The following THSD4 variants were observed in gnomAD, a reference collection of about 807,000 sequenced individuals.
THSD4 encodes thrombospondin type 1 domain containing 4.
In THSD4, 69 loss-of-function variants were observed where a neutral mutation model predicts 119.0. That is an observed-to-expected ratio of 0.58 (90% CI 0.48 to 0.71). The LOEUF is 0.71. Ranked by LOEUF, THSD4 falls within the 30% of genes least tolerant of loss-of-function variation. THSD4 has a pLI of 0.00. For missense variants in THSD4, 1,393 were observed against 1,391.1 expected, an observed-to-expected ratio of 1.00 and a Z score of -0.02; for synonymous variants, 524 against 540.4, an observed-to-expected ratio of 0.97 and a Z score of 0.42.
At chr15:71,756,187 G>A (rs1348222240) in intron 14 of THSD4, among the ~76,000 whole-genome samples, 2 of 152,172 alleles carry the variant, frequency 1.3e-5, no homozygotes, top group Admixed American at 1.3e-4. Context: ...TGGAAAAGCT[G>A]GTGAGGTTGA....
intron 7 of THSD4, among the ~76,000 whole-genome samples, chr15:71,488,537 TAGA>T (rs1221446059): frequency 1.6e-3 from 40 of 24,526 alleles, no homozygotes; most frequent in Middle Eastern, 0.043. Flanking sequence ...TCATACTTCT[TAGA>T]AGATGAGGCT....
intron 1 of THSD4, among the ~76,000 whole-genome samples, chr15:71,107,960 A>T (rs538420767): frequency 6.6e-6 from 1 of 152,224 alleles, no homozygotes; most frequent in African/African-American, 2.4e-5. Flanking sequence ...TTCCTGAATC[A>T]CTGCTTCGTT....
At chr15:71,708,389 C>T (rs1016006552) in intron 8 of THSD4, among the ~76,000 whole-genome samples, 9 of 152,156 alleles carry the variant, frequency 5.9e-5, no homozygotes, top group South Asian at 2.1e-4. Context: ...CAAGGGCTAT[C>T]GGCCTTGTCT....
chr15:71,249,400 CTTA>C (rs1006922950), intron 5 of THSD4, among the ~76,000 whole-genome samples: 1 of 142,680 alleles, frequency 7.0e-6, no homozygotes, highest in Non-Finnish European at 1.5e-5. Flanking sequence ...AAGTTGTTCT[CTTA>C]TTGACTTCAT....
At chr15:71,523,607 A>G (rs1024888362) in intron 7 of THSD4, among the ~76,000 whole-genome samples, 2 of 152,136 alleles carry the variant, frequency 1.3e-5, no homozygotes, top group African/African-American at 4.8e-5. Context: ...GTGTGATAGC[A>G]AGGGTAGGGT....
chr15:71,632,278 C>T (rs2050646238), intron 7 of THSD4, among the ~76,000 whole-genome samples: 1 of 152,178 alleles, frequency 6.6e-6, no homozygotes, highest in African/African-American at 2.4e-5. Flanking sequence ...TACCACCAGT[C>T]ACCCTTGGGG....
intron 3 of THSD4, among the ~76,000 whole-genome samples, chr15:71,187,853 G>C (rs2043626520): frequency 6.6e-6 from 1 of 152,202 alleles, no homozygotes; most frequent in Admixed American, 6.5e-5. Flanking sequence ...TCAACAGCGA[G>C]TTTGGTTCCC....
At position 71,780,861 on chromosome 15, in the gene THSD4, A is replaced by G. The variant is rs1194235884; in HGVS notation, c.*3487A>G. The G allele has an allele frequency of 4.4e-6, 2 of 451,474 alleles. No individual in the cohort carries two copies. The highest frequency in any genetic ancestry group is 7.0e-5 in the East Asian group (1 of 14,374). 28.0% of individuals were successfully genotyped at this position (451,474 alleles called of 1,614,324 possible). On this transcript the variant is annotated 3_prime_UTR_variant, in exon 18 of 18. Transcript: ENST00000261862. The stretch of plus-strand genomic sequence containing the variant: ...ATGGCCTTACAAAGGGACAGAAAAG[A>G]GAAGACACGAGCTTGGTGTATTTTC...
chr15:71,557,406 A>AT (rs2049037089), intron 7 of THSD4, among the ~76,000 whole-genome samples: 1 of 152,102 alleles, frequency 6.6e-6, no homozygotes, highest in Non-Finnish European at 1.5e-5. Context: ...TCTTTAAAAA[A>AT]ATATATATTT....
At chr15:71,101,923 A>G (rs1331353752) in intron 1 of THSD4, among the ~76,000 whole-genome samples, 1 of 152,140 alleles carries the variant, frequency 6.6e-6, no homozygotes. Flanking sequence ...CATGTTGCCC[A>G]GGGTGGTCTT....
intron 7 of THSD4, among the ~76,000 whole-genome samples, chr15:71,626,806 C>G (rs34914514): frequency 0.33 from 50,321 of 152,056 alleles, 8,803 homozygotes; most frequent in Middle Eastern, 0.41. Context: ...GTTATTTTCT[C>G]TGCTTTCACT....
At chr15:71,561,878 A>G (rs1371280251) in intron 7 of THSD4, among the ~76,000 whole-genome samples, 5 of 29,710 alleles carry the variant, frequency 1.7e-4, no homozygotes, top group Non-Finnish European at 3.2e-4. Context: ...ACACACACAC[A>G]CACACACACA....
chr15:71,220,007 G>C (rs1412036229), intron 4 of THSD4, among the ~76,000 whole-genome samples: 1 of 152,190 alleles, frequency 6.6e-6, no homozygotes, highest in Admixed American at 6.5e-5. Flanking sequence ...GGCTTAAAAT[G>C]AGCTGCATCT....
At chr15:71,566,757 C>G (rs561075980) in intron 7 of THSD4, among the ~76,000 whole-genome samples, 2 of 151,760 alleles carry the variant, frequency 1.3e-5, no homozygotes, top group Non-Finnish European at 2.9e-5. Flanking sequence ...CCCTGCTCCC[C>G]GCTCCCCCTG....
chr15:71,663,514 T>G (rs554547626), intron 8 of THSD4, among the ~76,000 whole-genome samples: 1 of 152,206 alleles, frequency 6.6e-6, no homozygotes, highest in Non-Finnish European at 1.5e-5. Context: ...TTTTAAAAAA[T>G]TGATCTATAA....
chr15:71,763,876 G>A (rs1324152362), intron 15 of THSD4, among the ~76,000 whole-genome samples: 2 of 152,116 alleles, frequency 1.3e-5, no homozygotes, highest in Non-Finnish European at 2.9e-5. Flanking sequence ...ACCAGCCTGG[G>A]CAACATGGCA....
chr15:71,595,023 T>A (rs373270737), intron 7 of THSD4, among the ~76,000 whole-genome samples: 24 of 152,236 alleles, frequency 1.6e-4, no homozygotes, highest in African/African-American at 5.3e-4. Flanking sequence ...TAAGTGGTGA[T>A]ATGGTATAAA....
chr15:71,688,686 G>GTT lies in THSD4; in HGVS notation c.1357+27960_1357+27961dup, dbSNP rs55863626. On this transcript the variant is annotated intron_variant, in intron 8 of 17. Transcript: ENST00000261862. ...TGTTTTTTTCTTTTTTGTTGTTGAG[G>GTT]TTTTTTTTTGTTTTGTATCTCTGTG... 6.1e-4 allele frequency among the ~76,000 whole-genome samples: 85 copies of GTT among 139,564 alleles called. 1 individual carries two copies. The highest frequency in any genetic ancestry group is 3.1e-3 in the South Asian group (13 of 4,198). 91.6% of individuals were successfully genotyped at this position (139,564 alleles called of 152,430 possible).
intron 7 of THSD4, among the ~76,000 whole-genome samples, chr15:71,488,444 G>A (rs566727863): frequency 3.9e-5 from 6 of 152,276 alleles, no homozygotes; most frequent in East Asian, 3.9e-4. Flanking sequence ...AAACTTAGAC[G>A]TTTCCATTCT....
Sources: gnomAD v4.1 joint callset for allele counts (sites outside exome capture counted in the v4.1 genomes callset) on GRCh38, gnomAD v4.1.1 for gene constraint, MANE v1.5 for transcripts, NCBI Gene and HGNC (gene_info 2026-07-23, HGNC 2026-07-21) for gene names.